MEP1B: variants seen among roughly 807,000 people sequenced by gnomAD.
The protein encoded by MEP1B is meprin A subunit beta, also known as N-benzoyl-L-tyrosyl-P-amino-benzoic acid hydrolase subunit beta.
MEP1B carries 80 observed loss-of-function variants against 84.6 expected under a neutral mutation model. That is an observed-to-expected ratio of 0.95 (90% CI 0.79 to 1.14). The LOEUF is 1.14. Among genes scored for constraint, MEP1B ranks in the 50% most tolerant of loss-of-function variants. MEP1B has a pLI of 0.00. For synonymous variants in MEP1B, 273 were observed against 288.1 expected (o/e 0.95, Z 0.53); for missense variants, 766 against 855.1 (o/e 0.90, Z 1.30).
At position 32,213,566 on chromosome 18, in the gene MEP1B, A is replaced by T. The variant is rs953367215; in HGVS notation, c.1579+7A>T. On this transcript the variant is annotated splice_region_variant and intron_variant, in intron 11 of 14. Coordinates refer to ENST00000269202, the MANE Select transcript of MEP1B (RefSeq NM_005925.3). ...GACCCATTTATGACCACCGGTTCGTAACTCATTTTCTTTATTGCTAATAAA... is the reference window on the plus strand; with the variant it reads ...GACCCATTTATGACCACCGGTTCGTTACTCATTTTCTTTATTGCTAATAAA... 6.3e-7 allele frequency: 1 copy of T among 1,591,778 alleles called. No homozygotes were observed. The highest frequency in any genetic ancestry group is 1.3e-5 in the African/African-American group (1 of 74,674).
chr18:32,204,736 T>C (rs2040947368), intron 7 of MEP1B, among the ~76,000 whole-genome samples: 1 of 152,276 alleles, frequency 6.6e-6, no homozygotes, highest in East Asian at 1.9e-4. Context: ...TTATTCCTCA[T>C]TGTTCTGGTG....
chr18:32,217,978 T>G lies in MEP1B; in HGVS notation c.2091+13T>G, dbSNP rs746117454. The G allele has an allele frequency of 6.2e-7, 1 of 1,612,282 alleles. No individual in the cohort carries two copies. On this transcript the variant is annotated intron_variant, in intron 14 of 14. Transcript: ENST00000269202. ...GACTCCGCAAAATGTAAGTTGAGGC[T>G]GATGTTTGATTATTCATAACCTATT...
intron 1 of MEP1B, 79 bp downstream of exon 1, chr18:32,190,212 T>G (rs2040788810): frequency 7.8e-6 from 8 of 1,027,412 alleles, no homozygotes; most frequent in South Asian, 3.0e-5. Context: ...AGTGTTTTTT[T>G]TTTGTTTGTT....
rs760955005 is a variant in MEP1B at position 32,217,033 on chromosome 18, C to G, written c.1802C>G (p.Ala601Gly). The change falls in exon 13 of 15, where the codon GCC becomes GGC. Residue 601 changes from alanine (A) to glycine (G), a missense_variant. Ala to Gly is a moderately conservative substitution (Grantham distance 60, BLOSUM62 0). Coordinates refer to ENST00000269202, the MANE Select transcript of MEP1B (RefSeq NM_005925.3). ...TCTACACAAATCCAGCTAACACCAG[C>G]CCCTAGTGTTCAAGACCTCTGCTCA... ...LNSTQIQLTP[A>G]PSVQDLCSKT... 2 of 1,613,626 alleles carry G rather than the reference C, an allele frequency of 1.2e-6. No homozygotes were observed. Among genetic ancestry groups the G allele is most frequent in the Non-Finnish European group, 1.7e-6 (2 of 1,179,650 alleles).
At position 32,210,516 on chromosome 18, in the gene MEP1B, T is replaced by A; in HGVS notation, c.935T>A (p.Met312Lys). 6.2e-7 allele frequency: 1 copy of A among 1,613,844 alleles called. No homozygotes were observed. Among genetic ancestry groups the A allele is most frequent in the Non-Finnish European group, 8.5e-7 (1 of 1,179,782 alleles). The stretch of plus-strand genomic sequence containing the variant: ...TCTTTAACAGGTTCTGGTTTCTTCA[T>A]GCATTTCGATAGCAGCTCTGTAAAT... ...MGQCQGSGFF[M>K]HFDSSSVNVG... The change falls in exon 10 of 15, where the codon ATG becomes AAG. Residue 312 changes from methionine (M) to lysine (K), a missense_variant. Physicochemically the swap from Met to Lys is moderately conservative, Grantham distance 95 (BLOSUM62 -1). Transcript: ENST00000269202.
rs752727079 is a variant in MEP1B, at chr18:32,215,308, T to C, written c.1759+47T>C. Reference sequence around the variant, plus strand: ...TATATAAACTAGTTTTTTTTTGTTGTGGCCACTGATTATTTTCTGTTTTTC... The same window carrying C: ...TATATAAACTAGTTTTTTTTTGTTGCGGCCACTGATTATTTTCTGTTTTTC... On this transcript the variant is annotated intron_variant, in intron 12 of 14. Transcript: ENST00000269202. The C allele has an allele frequency of 4.9e-6, 6 of 1,217,504 alleles. 1 individual carries two copies. The South Asian group carries it at 8.5e-5, about 17-fold the overall frequency. The allele number at this position is 1,217,504 out of a possible 1,614,324, so 75.4% of individuals were successfully genotyped here.
intron 2 of MEP1B, among the ~76,000 whole-genome samples, chr18:32,192,342 T>G (rs2040809773): frequency 6.6e-6 from 1 of 152,154 alleles, no homozygotes; most frequent in Non-Finnish European, 1.5e-5. Flanking sequence ...TTTAATCTAG[T>G]CTTCTAGTCT....
chr18:32,215,697 G>A (rs1038443363), intron 12 of MEP1B, among the ~76,000 whole-genome samples: 9 of 152,034 alleles, frequency 5.9e-5, no homozygotes, highest in African/African-American at 2.2e-4. Context: ...GGTGGCGGGC[G>A]CCTGTAGTCC....
chr18:32,217,094 T>C lies in MEP1B; in HGVS notation c.1863T>C (p.Val621=). ...TTCKNDGVCT[V]RDGKAECRCQ... is the part of the protein sequence containing the mutation. Reference sequence around the variant, plus strand: ...GTAAAAATGACGGTGTCTGCACTGTTCGAGATGGCAAAGCTGAGTGCAGGT... The same window carrying C: ...GTAAAAATGACGGTGTCTGCACTGTCCGAGATGGCAAAGCTGAGTGCAGGT... The change falls in exon 13 of 15, where the codon GTT becomes GTC. Residue 621 remains valine, a synonymous_variant. Transcript: ENST00000269202. 1 of 1,613,870 alleles carries C rather than the reference T, an allele frequency of 6.2e-7. No homozygotes were observed. Among genetic ancestry groups the C allele is most frequent in the Non-Finnish European group, 8.5e-7 (1 of 1,179,826 alleles).
At chr18:32,192,418 AG>A (rs1330017603) in intron 2 of MEP1B, among the ~76,000 whole-genome samples, 1 of 152,132 alleles carries the variant, frequency 6.6e-6, no homozygotes, top group African/African-American at 2.4e-5. Flanking sequence ...TTGACATTCA[AG>A]GAATGTCGAT....
intron 5 of MEP1B, among the ~76,000 whole-genome samples, chr18:32,200,996 G>A (rs1193057978): frequency 3.3e-5 from 5 of 152,202 alleles, no homozygotes; most frequent in East Asian, 1.9e-4. Context: ...CATCTATAAC[G>A]CAAGGTTAAC....
Position 32,217,941 on chromosome 18 carries a change from T to C in MEP1B, c.2067T>C (p.Asn689=). ...AATATCGTGAAAGGATGAGCTCAAA[T>C]CGACCAAATTTGACTCCGCAAAATG... The part of the protein sequence containing the change: ...RKKYRERMSS[N]RPNLTPQNQH... Residue 689 remains asparagine, a synonymous_variant, in exon 14 of 15, where the codon AAT becomes AAC. Transcript: ENST00000269202. 6.2e-7 allele frequency: 1 copy of C among 1,613,932 alleles called. No individual in the cohort carries two copies. The highest frequency in any genetic ancestry group is 1.1e-5 in the South Asian group (1 of 91,076).
chr18:32,198,942 A>G (rs1019980506), intron 5 of MEP1B, among the ~76,000 whole-genome samples: 11 of 152,270 alleles, frequency 7.2e-5, no homozygotes, highest in African/African-American at 2.6e-4. Flanking sequence ...CATTTGTTAG[A>G]TTTAGTGATT....
chr18:32,215,252 A>T lies in MEP1B; in HGVS notation c.1750A>T (p.Thr584Ser). ...AGGAGATGATGTTTATATCCTACTG[A>T]CAGTGGAAGGTATGTCAATAAAAAT... ...IKGDDVYILL[T>S]VEDISHLNST... is the part of the protein sequence containing the mutation. The change falls in exon 12 of 15, where the codon ACA becomes TCA. Residue 584 changes from threonine to serine, a missense_variant. By Grantham distance (58) the Thr-to-Ser change is moderately conservative (BLOSUM62 1). Transcript: ENST00000269202. 6.3e-7 allele frequency: 1 copy of T among 1,578,790 alleles called. No individual in the cohort carries two copies. Among genetic ancestry groups the T allele is most frequent in the East Asian group, 2.2e-5 (1 of 44,572 alleles).
intron 10 of MEP1B, 109 bp downstream of exon 10, chr18:32,210,825 AC>A (rs1296614527): frequency 2.5e-6 from 2 of 815,576 alleles, no homozygotes; most frequent in African/African-American, 3.4e-5. Flanking sequence ...GAGTCACTAT[AC>A]TTCAACTAAG....
chr18:32,212,914 C>T (rs2041042579), intron 10 of MEP1B, among the ~76,000 whole-genome samples: 2 of 152,162 alleles, frequency 1.3e-5, no homozygotes, highest in Admixed American at 1.3e-4. Flanking sequence ...AAACGTTCAG[C>T]TATTCCAGAG....
At chr18:32,214,666 T>C (rs1287037171) in intron 11 of MEP1B, among the ~76,000 whole-genome samples, 3 of 152,222 alleles carry the variant, frequency 2.0e-5, no homozygotes, top group African/African-American at 7.2e-5. Flanking sequence ...TATGCTGATA[T>C]TAAAAACTCT....
intron 2 of MEP1B, among the ~76,000 whole-genome samples, chr18:32,192,111 T>C (rs2040807306): frequency 6.6e-6 from 1 of 152,096 alleles, no homozygotes; most frequent in Non-Finnish European, 1.5e-5. Flanking sequence ...GTTTTTGTTA[T>C]TTTGTGTCAA....
At chr18:32,191,348 T>C (rs1388784247) in intron 1 of MEP1B, among the ~76,000 whole-genome samples, 2 of 152,092 alleles carry the variant, frequency 1.3e-5, no homozygotes, top group Non-Finnish European at 2.9e-5. Flanking sequence ...GGCAGAATTA[T>C]TCTGGGAGAA....
Sources: allele counts gnomAD v4.1 joint callset (sites outside exome capture counted in the v4.1 genomes callset), GRCh38; gene constraint gnomAD v4.1.1; transcripts MANE v1.5; gene names NCBI Gene and HGNC (gene_info 2026-07-23, HGNC 2026-07-21).